NUDT5: variants seen among roughly 807,000 people sequenced by gnomAD.
NUDT5 encodes the protein nudix hydrolase 5.
A neutral mutation model predicts 34.1 loss-of-function variants in NUDT5; 21 were observed. That is an observed-to-expected ratio of 0.62 (90% CI 0.44 to 0.89). NUDT5 has a LOEUF of 0.89. Ranked by LOEUF, NUDT5 falls within the 40% of genes least tolerant of loss-of-function variation. The probability of loss-of-function intolerance (pLI) is 0.00; values close to 1 mark genes in which losing one functional copy is unlikely to be tolerated. For synonymous variants in NUDT5, 85 were observed against 97.6 expected (o/e 0.87, Z 0.76); for missense variants, 249 against 274.8 (o/e 0.91, Z 0.66).
At chr10:12,177,953 CAGCACATTGTTTAG>C (rs1317080536) in intron 4 of NUDT5, 53 bp from the exon 5 acceptor site, 124 of 1,352,560 alleles carry the variant, frequency 9.2e-5, no homozygotes, top group Non-Finnish European at 1.3e-4. Context: ...TCAGCAATGC[CAGCACATTGTTTAG>C]AGCAAGCTAA....
chr10:12,168,001 A>G lies in NUDT5; in HGVS notation c.551-190T>C. ...ATAAAGGCAAGATTACATTCCTAGC[A>G]TGAGACAAGAACATCAGGGATAATG... On this transcript the variant is annotated intron_variant, in intron 9 of 9. Coordinates refer to ENST00000491614, the MANE Select transcript of NUDT5 (RefSeq NM_014142.4). This position sits in a 1 kb window ranked among gnomAD's most constrained non-coding sequence, Gnocchi z 4.8. 1.8e-6 allele frequency: 2 copies of G among 1,093,026 alleles called. No homozygotes were observed. The highest frequency in any genetic ancestry group is 2.4e-6 in the Non-Finnish European group (2 of 825,334). 67.7% of individuals were successfully genotyped at this position (1,093,026 alleles called of 1,614,324 possible).
chr10:12,187,891 T>A lies in NUDT5; in HGVS notation c.-41-1559A>T, dbSNP rs1307938668. On this transcript the variant is annotated intron_variant, in intron 1 of 9. Transcript: ENST00000491614. This position sits in a 1 kb window ranked among gnomAD's most constrained non-coding sequence, Gnocchi z 5.4. The stretch of plus-strand genomic sequence containing the variant: ...TGTTACTTGGACCAGGCACAGTGGC[T>A]CACACCTGGAATCCTAGCCCTTTGG... Among the ~76,000 whole-genome samples the A allele has an allele frequency of 6.6e-6, 1 of 152,150 alleles. No individual in the cohort carries two copies. The highest frequency in any genetic ancestry group is 2.4e-5 in the African/African-American group (1 of 41,430).
At chr10:12,191,361 C>T (rs1835226897) in intron 1 of NUDT5, among the ~76,000 whole-genome samples, 3 of 151,792 alleles carry the variant, frequency 2.0e-5, no homozygotes, top group South Asian at 2.1e-4. Flanking sequence ...CCAGCCTAGG[C>T]GACAGAGCAA....
At chr10:12,192,227 G>A (rs1038460661) in intron 1 of NUDT5, among the ~76,000 whole-genome samples, 1 of 151,908 alleles carries the variant, frequency 6.6e-6, no homozygotes, top group Non-Finnish European at 1.5e-5. Flanking sequence ...TCGCTTGAAC[G>A]AGGGAGGTGG....
intron 3 of NUDT5, 27 bp from the exon 4 acceptor site, chr10:12,179,159 T>C: frequency 6.3e-7 from 1 of 1,598,426 alleles, no homozygotes. Context: ...GAAAAAAAAG[T>C]CATTAGTGCT....
At chr10:12,177,932 C>G (rs758689924) in intron 4 of NUDT5, 32 bp from the exon 5 acceptor site, 1 of 1,538,350 alleles carries the variant, frequency 6.5e-7, no homozygotes, top group Non-Finnish European at 9.0e-7. Context: ...AAGGAAATCC[C>G]TAATGAGAGG....
chr10:12,178,004 C>A, intron 4 of NUDT5, 104 bp from the exon 5 acceptor site: 1 of 708,658 alleles, frequency 1.4e-6, no homozygotes, highest in Non-Finnish European at 2.4e-6. Flanking sequence ...TAAGAAACTC[C>A]GTTTTAATCT....
Position 12,173,641 on chromosome 10 carries a change from G to T in NUDT5, c.385+77C>A. 1 of 1,100,492 alleles carries T rather than the reference G, an allele frequency of 9.1e-7. No homozygotes were observed. The highest frequency in any genetic ancestry group is 1.4e-6 in the Non-Finnish European group (1 of 713,434). The allele number at this position is 1,100,492 out of a possible 1,614,324, so 68.2% of individuals were successfully genotyped here. A position where few individuals can be genotyped will look rare whatever the true frequency, so the allele number is the denominator to read the frequency against. ...TCTTTCTCTTCAGTGAATTCTGAGC[G>T]TAAAGAACACCCAAATAATCAATCC... On this transcript the variant is annotated intron_variant, in intron 6 of 9. Coordinates refer to ENST00000491614, the MANE Select transcript of NUDT5 (RefSeq NM_014142.4). The surrounding 1 kb of genome is among the most constrained non-coding windows in gnomAD (Gnocchi z 4.7).
At position 12,175,151 on chromosome 10, in the gene NUDT5, C is replaced by T. The variant is rs1448245532; in HGVS notation, c.290-1338G>A. The stretch of plus-strand genomic sequence containing the variant: ...CCTGGCCAACATGGTGAAACCCTGT[C>T]TCCACTAAAAATACAAAAAATTAGC... On this transcript the variant is annotated intron_variant, in intron 5 of 9. Coordinates refer to ENST00000491614, the MANE Select transcript of NUDT5 (RefSeq NM_014142.4). This position sits in a 1 kb window ranked among gnomAD's most constrained non-coding sequence, Gnocchi z 4.8. 2.0e-5 allele frequency among the ~76,000 whole-genome samples: 3 copies of T among 151,992 alleles called. No individual in the cohort carries two copies. The highest frequency in any genetic ancestry group is 4.4e-5 in the Non-Finnish European group (3 of 67,990).
intron 3 of NUDT5, among the ~76,000 whole-genome samples, chr10:12,179,358 T>G (rs1835009541): frequency 6.6e-6 from 1 of 152,200 alleles, no homozygotes; most frequent in South Asian, 2.1e-4. Context: ...CACCTCACCT[T>G]CTGGGTGCCC....
chr10:12,185,698 A>G (rs1835115445), intron 2 of NUDT5, among the ~76,000 whole-genome samples: 1 of 152,258 alleles, frequency 6.6e-6, no homozygotes, highest in South Asian at 2.1e-4. Context: ...ACCAAAAGGA[A>G]TTCCAGAAAG....
At position 12,172,882 on chromosome 10, in the gene NUDT5, A is replaced by G; in HGVS notation, c.386-16T>C. ...ATACAGACCGCTGTGGAGAGAAGGG[A>G]CAGTCAGATGCGTCAGTCCCTTTGG... On this transcript the variant is annotated splice_polypyrimidine_tract_variant and intron_variant, in intron 6 of 9. Coordinates refer to ENST00000491614, the MANE Select transcript of NUDT5 (RefSeq NM_014142.4). 1 of 1,561,602 alleles carries G rather than the reference A, an allele frequency of 6.4e-7. No homozygotes were observed. The highest frequency in any genetic ancestry group is 8.8e-7 in the Non-Finnish European group (1 of 1,132,680).
Position 12,170,066 on chromosome 10 carries a change from C to CACAGTATCTCCTCATGTCTCCAT in NUDT5, c.550+628_550+650dup, listed in dbSNP as rs1474626074. 2.5e-5 allele frequency: 39 copies of CACAGTATCTCCTCATGTCTCCAT among 1,585,306 alleles called. No homozygotes were observed. The South Asian group carries it at 3.9e-4, about 16-fold the overall frequency. Reference sequence around the variant, plus strand: ...TCCATACAGTATCTCCTCGTCTCCACACAGTATCTCCTCATGTCTCCATAC... The same window carrying CACAGTATCTCCTCATGTCTCCAT: ...TCCATACAGTATCTCCTCGTCTCCACACAGTATCTCCTCATGTCTCCATACAGTATCTCCTCATGTCTCCATAC... On this transcript the variant is annotated intron_variant, in intron 9 of 9. Coordinates refer to ENST00000491614, the MANE Select transcript of NUDT5 (RefSeq NM_014142.4). This position sits in a 1 kb window ranked among gnomAD's most constrained non-coding sequence, Gnocchi z 4.9.
In NUDT5 at chr10:12,177,380, G is replaced by A. The variant is rs751812692; in HGVS notation, c.289+413C>T. ...TAAAAATACAAAAAATTAGCCGGGC[G>A]TGGTGGCGGGCGCCTGTAGTCCCAG... On this transcript the variant is annotated intron_variant, in intron 5 of 9. Coordinates refer to ENST00000491614, the MANE Select transcript of NUDT5 (RefSeq NM_014142.4). Among the ~76,000 whole-genome samples the A allele has an allele frequency of 7.2e-4, 109 of 152,004 alleles. 1 individual carries two copies. The highest frequency in any genetic ancestry group is 8.4e-4 in the Non-Finnish European group (57 of 67,956).
In NUDT5 at chr10:12,182,412, G is replaced by A. The variant is rs1276306170; in HGVS notation, c.131+2477C>T. On this transcript the variant is annotated intron_variant, in intron 3 of 9. Coordinates refer to ENST00000491614, the MANE Select transcript of NUDT5 (RefSeq NM_014142.4). This position sits in a 1 kb window ranked among gnomAD's most constrained non-coding sequence, Gnocchi z 4.3. ...TAACACATCCTATAAATTATACATC[G>A]TGGCATACAGGAAAGTACAAAGACT... Among the ~76,000 whole-genome samples the A allele has an allele frequency of 2.0e-5, 3 of 152,074 alleles. No individual in the cohort carries two copies. The highest frequency in any genetic ancestry group is 6.6e-5 in the Admixed American group (1 of 15,264).
At position 12,175,520 on chromosome 10, in the gene NUDT5, C is replaced by T. The variant is rs1319643148; in HGVS notation, c.290-1707G>A. On this transcript the variant is annotated intron_variant, in intron 5 of 9. Coordinates refer to ENST00000491614, the MANE Select transcript of NUDT5 (RefSeq NM_014142.4). The surrounding 1 kb of genome is among the most constrained non-coding windows in gnomAD (Gnocchi z 4.8). ...AATCGAATGCGGTGATGCACGCCTGCAGACCCAGCTACCCAGGAAGCCAAG... is the reference window on the plus strand; with the variant it reads ...AATCGAATGCGGTGATGCACGCCTGTAGACCCAGCTACCCAGGAAGCCAAG... 1.3e-5 allele frequency among the ~76,000 whole-genome samples: 2 copies of T among 151,452 alleles called. No homozygotes were observed. The highest frequency in any genetic ancestry group is 4.9e-5 in the African/African-American group (2 of 41,120).
rs920552518 is a variant in NUDT5 at position 12,177,472 on chromosome 10, T to C, written c.289+321A>G. 1.3e-4 allele frequency among the ~76,000 whole-genome samples: 20 copies of C among 152,042 alleles called. 1 individual carries two copies. Among genetic ancestry groups the C allele is most frequent in the Non-Finnish European group, 2.2e-4 (15 of 68,000 alleles). On this transcript the variant is annotated intron_variant, in intron 5 of 9. Coordinates refer to ENST00000491614, the MANE Select transcript of NUDT5 (RefSeq NM_014142.4). The stretch of plus-strand genomic sequence containing the variant: ...AGGCGGAGGTTGCAGTGAGCCGAGA[T>C]CGTGCCACTGCACTCCAGCCTGGGT...
chr10:12,174,349 C>T (rs1361598223), intron 5 of NUDT5, among the ~76,000 whole-genome samples: 1 of 151,806 alleles, frequency 6.6e-6, no homozygotes, highest in Non-Finnish European at 1.5e-5. Flanking sequence ...TCACTGCAAC[C>T]TCTGCCTCCT....
In NUDT5 at chr10:12,166,310, T is replaced by C; in HGVS notation, c.*1392A>G. ...TTCAGACCTAAGGAAGAGTTAGAGC[T>C]TTGGAGAATCACAATGCCTGTGATT... On this transcript the variant is annotated 3_prime_UTR_variant, in exon 10 of 10. Transcript: ENST00000491614. 6.5e-6 allele frequency: 1 copy of C among 154,690 alleles called. No individual in the cohort carries two copies. The highest frequency in any genetic ancestry group is 6.3e-5 in the Admixed American group (1 of 15,774). 9.6% of individuals were successfully genotyped at this position (154,690 alleles called of 1,614,324 possible). A position where few individuals can be genotyped will look rare whatever the true frequency, so the allele number is the denominator to read the frequency against.
Sources: allele counts gnomAD v4.1 joint callset (sites outside exome capture counted in the v4.1 genomes callset), GRCh38; gene constraint gnomAD v4.1.1; non-coding constraint Gnocchi (gnomAD v3.1); transcripts MANE v1.5; gene names NCBI Gene and HGNC (gene_info 2026-07-23, HGNC 2026-07-21).